The following SSH2 variants were observed in gnomAD, a reference collection of about 807,000 sequenced individuals.
SSH2 encodes the protein protein phosphatase Slingshot homolog 2.
SSH2 carries 37 observed loss-of-function variants against 135.2 expected under a neutral mutation model. The ratio of observed to expected loss-of-function variants is 0.27; its 90% confidence interval spans 0.21 to 0.36. The LOEUF is 0.36. SSH2 is among the 10% of genes least tolerant of loss of function. The pLI, the probability that SSH2 is intolerant of heterozygous loss-of-function variation, is 1.00. For synonymous variants in SSH2, 628 were observed against 646.2 expected, an observed-to-expected ratio of 0.97 and a Z score of 0.43; for missense variants, 1,408 against 1,765.3, an observed-to-expected ratio of 0.80 and a Z score of 3.63.
intron 5 of SSH2, among the ~76,000 whole-genome samples, chr17:29,694,857 T>A (rs1473441893): frequency 6.6e-6 from 1 of 152,210 alleles, no homozygotes; most frequent in Non-Finnish European, 1.5e-5. Context: ...CTAGTCTCTA[T>A]CTTCCCAATA....
At chr17:29,690,012 CAAAA>C (rs946244880) in intron 5 of SSH2, among the ~76,000 whole-genome samples, 1 of 31,364 alleles carries the variant, frequency 3.2e-5, no homozygotes, top group Non-Finnish European at 6.7e-5. Context: ...AGATCCATCT[CAAAA>C]AAAAAAAAAA....
chr17:29,666,232 G>GGGCTGGT (rs938397663), intron 11 of SSH2, among the ~76,000 whole-genome samples: 2 of 152,106 alleles, frequency 1.3e-5, no homozygotes, highest in African/African-American at 4.8e-5. Flanking sequence ...AATTAGCTGG[G>GGGCTGGT]GGCTGGTGGC....
At chr17:29,761,060 G>A in intron 3 of SSH2, 17 of 1,249,460 alleles carry the variant, frequency 1.4e-5, no homozygotes, top group Non-Finnish European at 1.8e-5. Flanking sequence ...TCGCTTGATT[G>A]TTTGCTCCCC....
chr17:29,776,484 A>G (rs1198437821), intron 3 of SSH2: 2 of 152,200 alleles, frequency 1.3e-5, no homozygotes. Context: ...CCCACCATAC[A>G]AAGGCCTACT....
At chr17:29,732,449 A>T (rs1319548967) in intron 3 of SSH2, among the ~76,000 whole-genome samples, 2 of 152,216 alleles carry the variant, frequency 1.3e-5, no homozygotes, top group African/African-American at 4.8e-5. Context: ...TTCTTTCTGA[A>T]ATAATTTGCT....
chr17:29,764,849 G>A (rs1436560598), intron 3 of SSH2, among the ~76,000 whole-genome samples: 1 of 152,146 alleles, frequency 6.6e-6, no homozygotes, highest in East Asian at 1.9e-4. Flanking sequence ...TATCCCTTAT[G>A]GTATAATCAC....
chr17:29,721,351 T>G (rs1386336880), intron 3 of SSH2, among the ~76,000 whole-genome samples: 1 of 152,230 alleles, frequency 6.6e-6, no homozygotes, highest in South Asian at 2.1e-4. Flanking sequence ...ACTTGTTCCC[T>G]GGATTGCTTT....
chr17:29,822,298 T>G (rs1023956021), intron 2 of SSH2, among the ~76,000 whole-genome samples: 7 of 152,132 alleles, frequency 4.6e-5, no homozygotes, highest in African/African-American at 1.7e-4. Context: ...TTTCTAGATA[T>G]GAGAATCTAC....
intron 3 of SSH2, among the ~76,000 whole-genome samples, chr17:29,770,104 T>G (rs1007998325): frequency 8.1e-5 from 12 of 148,364 alleles, no homozygotes; most frequent in South Asian, 4.3e-4. Flanking sequence ...TTTTTTTTTT[T>G]TTTTTTTTTT....
At chr17:29,758,437 G>A (rs1461656210) in intron 3 of SSH2, among the ~76,000 whole-genome samples, 2 of 152,206 alleles carry the variant, frequency 1.3e-5, no homozygotes, top group African/African-American at 2.4e-5. Context: ...ATGATTAAAT[G>A]AGATAGATGT....
chr17:29,841,675 TA>T (rs971794529), intron 2 of SSH2, among the ~76,000 whole-genome samples: 1 of 152,202 alleles, frequency 6.6e-6, no homozygotes, highest in African/African-American at 2.4e-5. Context: ...ATTAGATTTC[TA>T]ATATGGAGGT....
intron 2 of SSH2, among the ~76,000 whole-genome samples, chr17:29,828,138 T>C (rs916244341): frequency 8.5e-5 from 13 of 152,222 alleles, no homozygotes; most frequent in Admixed American, 8.5e-4. Flanking sequence ...AACAGAATTA[T>C]TGATCATCTG....
At chr17:29,864,630 A>C (rs1376672269) in intron 1 of SSH2, among the ~76,000 whole-genome samples, 1 of 146,814 alleles carries the variant, frequency 6.8e-6, no homozygotes, top group Non-Finnish European at 1.5e-5. Context: ...CACAGAGATA[A>C]TCTGAATACT....
At chr17:29,881,656 C>T (rs569478378) in intron 1 of SSH2, among the ~76,000 whole-genome samples, 88 of 152,104 alleles carry the variant, frequency 5.8e-4, no homozygotes, top group East Asian at 5.2e-3. Context: ...CACCTGCCAC[C>T]GCACCCAGGT....
chr17:29,635,059 CA>C (rs1261666211), intron 15 of SSH2, among the ~76,000 whole-genome samples: 4 of 151,924 alleles, frequency 2.6e-5, no homozygotes, highest in Non-Finnish European at 5.9e-5. Flanking sequence ...TGCGCCACCA[CA>C]CCCCAGCTAA....
intron 2 of SSH2, among the ~76,000 whole-genome samples, chr17:29,794,803 C>T (rs751366372): frequency 1.3e-5 from 2 of 152,170 alleles, no homozygotes; most frequent in Non-Finnish European, 2.9e-5. Context: ...TATTGACTCC[C>T]AGCTAGCTGA....
rs773812846 is a variant in SSH2, at chr17:29,707,528, AT to A, written c.189-4467del. 6.5e-3 allele frequency among the ~76,000 whole-genome samples: 929 copies of A among 143,792 alleles called. 5 individuals are homozygous for A. The highest frequency in any genetic ancestry group is 0.017 in the African/African-American group (661 of 39,512). The allele number at this position is 143,792 out of a possible 152,430, so 94.3% of individuals were successfully genotyped here. A position where few individuals can be genotyped will look rare whatever the true frequency, so the allele number is the denominator to read the frequency against. ...GTACAAGGTAGGCCAACAGACTACTATTTTTTTTTTTTTTTGAGATGGAGTC... is the reference window on the plus strand; with the variant it reads ...GTACAAGGTAGGCCAACAGACTACTATTTTTTTTTTTTTTGAGATGGAGTC... On this transcript the variant is annotated intron_variant, in intron 3 of 15. Coordinates refer to ENST00000540801, the MANE Select transcript of SSH2 (RefSeq NM_001282129.2).
intron 3 of SSH2, among the ~76,000 whole-genome samples, chr17:29,741,937 T>TC (rs201990245): frequency 1.6e-4 from 22 of 139,368 alleles, no homozygotes; most frequent in African/African-American, 5.5e-4. Context: ...TTTTTTTCTT[T>TC]TTTTTTTTTT....
intron 3 of SSH2, among the ~76,000 whole-genome samples, chr17:29,783,324 A>G (rs945230116): frequency 6.8e-6 from 1 of 146,628 alleles, no homozygotes; most frequent in Non-Finnish European, 1.5e-5. Flanking sequence ...TATATTATAT[A>G]TATATATATA....
Sources: allele counts gnomAD v4.1 joint callset (sites outside exome capture counted in the v4.1 genomes callset), GRCh38; gene constraint gnomAD v4.1.1; transcripts MANE v1.5; gene names NCBI Gene and HGNC (gene_info 2026-07-23, HGNC 2026-07-21).